The following ANKS1B variants were observed in gnomAD, a reference collection of about 807,000 sequenced individuals.
ANKS1B encodes the protein ankyrin repeat and sterile alpha motif domain containing 1B, also known as ankyrin repeat and sterile alpha motif domain-containing protein 1B.
Under a neutral mutation model 148.3 loss-of-function variants are expected in ANKS1B, and 36 were observed. The observed-to-expected ratio is 0.24, with a 90% CI of 0.19 to 0.32. ANKS1B has a LOEUF of 0.32. ANKS1B is among the 10% of genes least tolerant of loss of function. ANKS1B has a pLI of 1.00. For missense variants in ANKS1B, 1,157 were observed against 1,542.6 expected (o/e 0.75, Z 4.19); for synonymous variants, 542 against 560.8 (o/e 0.97, Z 0.47).
intron 8 of ANKS1B, among the ~76,000 whole-genome samples, chr12:99,741,227 A>ACACACACACT (rs2060077397): frequency 6.6e-6 from 1 of 151,514 alleles, no homozygotes; most frequent in African/African-American, 2.4e-5. Flanking sequence ...ACACACACAC[A>ACACACACACT]CACACACACA....
chr12:98,925,311 G>GA (rs1304179501), intron 17 of ANKS1B, among the ~76,000 whole-genome samples: 1 of 152,116 alleles, frequency 6.6e-6, no homozygotes, highest in African/African-American at 2.4e-5. Context: ...AAGGAAGAAT[G>GA]AAAAATCTAT....
chr12:99,953,786 A>G (rs1259037422), intron 1 of ANKS1B, among the ~76,000 whole-genome samples: 1 of 152,228 alleles, frequency 6.6e-6, no homozygotes, highest in African/African-American at 2.4e-5. Flanking sequence ...ATGCAGGGAA[A>G]GAGAAAGAAT....
intron 1 of ANKS1B, among the ~76,000 whole-genome samples, chr12:99,963,109 G>A (rs1689974370): frequency 6.6e-6 from 1 of 152,104 alleles, no homozygotes; most frequent in Non-Finnish European, 1.5e-5. Flanking sequence ...CACTGTGCCC[G>A]GCCGATGTTG....
At chr12:99,429,007 T>A (rs1319281655) in intron 11 of ANKS1B, among the ~76,000 whole-genome samples, 1 of 152,132 alleles carries the variant, frequency 6.6e-6, no homozygotes, top group African/African-American at 2.4e-5. Flanking sequence ...GGAGTATAAC[T>A]AACTCAATAA....
intron 22 of ANKS1B, among the ~76,000 whole-genome samples, chr12:98,790,206 T>G (rs1240194942): frequency 6.6e-6 from 1 of 152,144 alleles, no homozygotes; most frequent in Admixed American, 6.5e-5. Flanking sequence ...TGTGTAGCCA[T>G]CTTGAGCTTA....
At chr12:99,618,143 T>A (rs190826014) in intron 9 of ANKS1B, among the ~76,000 whole-genome samples, 99 of 152,254 alleles carry the variant, frequency 6.5e-4, no homozygotes, top group African/African-American at 2.3e-3. Context: ...TGTCATTAGG[T>A]ATCAACTCAA....
intron 8 of ANKS1B, among the ~76,000 whole-genome samples, chr12:99,664,773 T>C (rs891963767): frequency 6.6e-6 from 1 of 152,214 alleles, no homozygotes; most frequent in Non-Finnish European, 1.5e-5. Flanking sequence ...ATACACTTTA[T>C]GTTTGGCATA....
intron 15 of ANKS1B, among the ~76,000 whole-genome samples, chr12:99,142,410 C>T (rs2071212723): frequency 6.6e-6 from 1 of 151,784 alleles, no homozygotes; most frequent in African/African-American, 2.4e-5. Context: ...CAAGTGTAGG[C>T]ATTATTTTGG....
At chr12:99,530,483 C>T (rs2096976890) in intron 9 of ANKS1B, among the ~76,000 whole-genome samples, 1 of 152,174 alleles carries the variant, frequency 6.6e-6, no homozygotes, top group African/African-American at 2.4e-5. Context: ...TTATCCATAA[C>T]TCTCCACGTG....
At chr12:99,008,803 T>C (rs942851368) in intron 17 of ANKS1B, among the ~76,000 whole-genome samples, 4 of 152,036 alleles carry the variant, frequency 2.6e-5, no homozygotes, top group Non-Finnish European at 5.9e-5. Flanking sequence ...ATGGAATGAG[T>C]GGAGGATACA....
At chr12:98,791,872 T>G (rs1052206210) in intron 22 of ANKS1B, among the ~76,000 whole-genome samples, 1 of 152,262 alleles carries the variant, frequency 6.6e-6, no homozygotes, top group African/African-American at 2.4e-5. Flanking sequence ...GATTTTAGTT[T>G]GAGTCTCTTC....
At chr12:99,239,200 A>G (rs2088700755) in intron 14 of ANKS1B, among the ~76,000 whole-genome samples, 1 of 152,216 alleles carries the variant, frequency 6.6e-6, no homozygotes, top group Admixed American at 6.5e-5. Flanking sequence ...TAACTAGAAT[A>G]AACGGTGTAA....
intron 9 of ANKS1B, among the ~76,000 whole-genome samples, chr12:99,612,079 A>G (rs923482124): frequency 7.2e-5 from 11 of 152,088 alleles, no homozygotes; most frequent in African/African-American, 2.7e-4. Context: ...AAATAGCAGC[A>G]GTATTTAGCT....
intron 25 of ANKS1B, among the ~76,000 whole-genome samples, chr12:98,758,047 A>G (rs189419709): frequency 9.0e-4 from 137 of 152,334 alleles, no homozygotes; most frequent in Admixed American, 2.5e-3. Context: ...ATAATACCAT[A>G]CGCAGTACCC....
At chr12:99,071,064 C>T (rs761337602) in intron 16 of ANKS1B, among the ~76,000 whole-genome samples, 21 of 152,194 alleles carry the variant, frequency 1.4e-4, no homozygotes, top group Non-Finnish European at 2.6e-4. Context: ...AAGAGACCTT[C>T]CCTTTTACTT....
chr12:99,457,204 C>T (rs139068219), intron 10 of ANKS1B, among the ~76,000 whole-genome samples: 2,878 of 151,936 alleles, frequency 0.019, 54 homozygotes, highest in Middle Eastern at 0.048. Context: ...GAAAAATAAA[C>T]GCTGAATTTG....
chr12:99,078,659 A>G (rs115939703), intron 16 of ANKS1B, among the ~76,000 whole-genome samples: 2,803 of 152,184 alleles, frequency 0.018, 83 homozygotes, highest in African/African-American at 0.058. Context: ...GGATTATTCC[A>G]TTTTAACTAC....
intron 17 of ANKS1B, among the ~76,000 whole-genome samples, chr12:98,875,955 C>T (rs1209205286): frequency 6.6e-6 from 1 of 152,186 alleles, no homozygotes; most frequent in Non-Finnish European, 1.5e-5. Flanking sequence ...CTTCCTCATT[C>T]ATCTGGCCTA....
intron 8 of ANKS1B, among the ~76,000 whole-genome samples, chr12:99,736,453 A>C (rs1398100926): frequency 2.0e-5 from 3 of 151,680 alleles, no homozygotes; most frequent in Non-Finnish European, 2.9e-5. Context: ...TATACACCAA[A>C]AATGACATAG....
Sources: allele counts gnomAD v4.1 joint callset (sites outside exome capture counted in the v4.1 genomes callset), GRCh38; gene constraint gnomAD v4.1.1; transcripts MANE v1.5; gene names NCBI Gene and HGNC (gene_info 2026-07-23, HGNC 2026-07-21).